The following RPS6KC1 variants were observed in gnomAD, a reference collection of about 807,000 sequenced individuals.
RPS6KC1 encodes ribosomal protein S6 kinase C1, also known as inactive ribosomal protein S6 kinase delta-1.
A neutral mutation model predicts 103.8 loss-of-function variants in RPS6KC1; 54 were observed. The ratio of observed to expected loss-of-function variants is 0.52; its 90% CI spans 0.42 to 0.65. RPS6KC1 has a LOEUF of 0.65. RPS6KC1 is among the 30% of genes least tolerant of loss of function. The pLI is 0.00. For missense variants in RPS6KC1, 1,151 were observed against 1,253.8 expected (o/e 0.92, Z 1.24); for synonymous variants, 439 against 438.7 (o/e 1.00, Z -0.01).
chr1:213,261,070 C>T (rs761579186), intron 12 of RPS6KC1, among the ~76,000 whole-genome samples: 2 of 152,160 alleles, frequency 1.3e-5, no homozygotes, highest in Non-Finnish European at 2.9e-5. Context: ...ACTAGGTCTT[C>T]GTTCTCCTAC....
At chr1:213,434,205 C>T in the RPS6KC1 span, among the ~76,000 whole-genome samples, 18 of 151,676 alleles carry the variant, frequency 1.2e-4, no homozygotes, top group South Asian at 3.3e-3. Flanking sequence ...TTTCCTTCTG[C>T]CTAAAGGACG....
At chr1:213,293,655 G>A in the RPS6KC1 span, among the ~76,000 whole-genome samples, 1 of 152,134 alleles carries the variant, frequency 6.6e-6, no homozygotes, top group Admixed American at 6.5e-5. Flanking sequence ...CTGGGTGACA[G>A]AACGAGATGC....
chr1:213,511,110 T>G, the RPS6KC1 span, among the ~76,000 whole-genome samples: 1 of 152,090 alleles, frequency 6.6e-6, no homozygotes, highest in South Asian at 2.1e-4. Context: ...AGCTTTGAGA[T>G]GATATAACTC....
At chr1:213,569,037 C>A in the RPS6KC1 span, among the ~76,000 whole-genome samples, 1 of 152,156 alleles carries the variant, frequency 6.6e-6, no homozygotes, top group Non-Finnish European at 1.5e-5. Context: ...TAACTCCCTT[C>A]CCCCCTCCCC....
At chr1:213,829,585 T>C in the RPS6KC1 span, among the ~76,000 whole-genome samples, 4 of 152,208 alleles carry the variant, frequency 2.6e-5, no homozygotes. Flanking sequence ...AGGTCAGAAA[T>C]TGGGGATTGA....
the RPS6KC1 span, among the ~76,000 whole-genome samples, chr1:213,443,380 C>T: frequency 6.6e-6 from 1 of 152,222 alleles, no homozygotes; most frequent in South Asian, 2.1e-4. Flanking sequence ...GTGATGTTCA[C>T]ATGCCCCTTT....
At chr1:213,185,573 A>G (rs974575189) in intron 8 of RPS6KC1, among the ~76,000 whole-genome samples, 2 of 152,136 alleles carry the variant, frequency 1.3e-5, no homozygotes, top group Non-Finnish European at 2.9e-5. Context: ...ACTTGAACCC[A>G]GGAGGCAGAG....
At chr1:213,652,407 G>A in the RPS6KC1 span, among the ~76,000 whole-genome samples, 1 of 152,204 alleles carries the variant, frequency 6.6e-6, no homozygotes, top group Non-Finnish European at 1.5e-5. Flanking sequence ...AGAGCAGGAT[G>A]TGAACCCAGG....
At chr1:213,147,254 C>T (rs2087983259) in intron 6 of RPS6KC1, among the ~76,000 whole-genome samples, 4 of 152,036 alleles carry the variant, frequency 2.6e-5, no homozygotes. Flanking sequence ...GGGTATAACT[C>T]AAAAAATCTT....
rs905087277 is a variant in RPS6KC1 at position 213,051,247 on chromosome 1, G to A, written c.-158G>A. ...GCCCGGAAGCTTCTCTGCTGACCCGGAAGCAGAGCTGTGCAGCTGAGGCGC... is the reference window on the plus strand; with the variant it reads ...GCCCGGAAGCTTCTCTGCTGACCCGAAAGCAGAGCTGTGCAGCTGAGGCGC... On this transcript the variant is annotated 5_prime_UTR_variant, in exon 1 of 15. Coordinates refer to ENST00000366960, the MANE Select transcript of RPS6KC1 (RefSeq NM_012424.6). The A allele has an allele frequency of 2.1e-5, 13 of 604,922 alleles. No homozygotes were observed. In the African/African-American group the frequency reaches 2.5e-4, roughly 11 times the overall value. The allele number at this position is 604,922 out of a possible 1,614,324, so 37.5% of individuals were successfully genotyped here. A position where few individuals can be genotyped will look rare whatever the true frequency, so the allele number is the denominator to read the frequency against.
At chr1:213,319,984 A>C in the RPS6KC1 span, among the ~76,000 whole-genome samples, 1 of 152,192 alleles carries the variant, frequency 6.6e-6, no homozygotes, top group African/African-American at 2.4e-5. Context: ...AATAGACAGA[A>C]ATATAGCCCC....
At chr1:213,716,354 G>T in the RPS6KC1 span, among the ~76,000 whole-genome samples, 19,560 of 152,108 alleles carry the variant, frequency 0.13, 1,418 homozygotes, top group African/African-American at 0.19. Flanking sequence ...CTTTTCTGAT[G>T]CCCCTAAAGA....
chr1:213,218,854 T>C (rs913906144), intron 8 of RPS6KC1, among the ~76,000 whole-genome samples: 20 of 152,190 alleles, frequency 1.3e-4, no homozygotes, highest in Non-Finnish European at 2.5e-4. Flanking sequence ...TCCTTACACC[T>C]TATAAAAAAA....
chr1:213,338,280 GC>G, the RPS6KC1 span, among the ~76,000 whole-genome samples: 1 of 152,236 alleles, frequency 6.6e-6, no homozygotes, highest in Non-Finnish European at 1.5e-5. Flanking sequence ...ACACCACGGG[GC>G]CTGGATTCTG....
the RPS6KC1 span, among the ~76,000 whole-genome samples, chr1:213,657,008 G>T: frequency 1.3e-5 from 2 of 152,200 alleles, no homozygotes; most frequent in Non-Finnish European, 2.9e-5. Flanking sequence ...CATCAGAGGG[G>T]CCAGGTGAAA....
At chr1:213,687,016 G>A in the RPS6KC1 span, among the ~76,000 whole-genome samples, 2 of 150,902 alleles carry the variant, frequency 1.3e-5, no homozygotes, top group South Asian at 2.1e-4. Context: ...GCATGCTAAT[G>A]TATTATCATT....
chr1:213,385,327 C>T, the RPS6KC1 span, among the ~76,000 whole-genome samples: 1 of 152,152 alleles, frequency 6.6e-6, no homozygotes, highest in Non-Finnish European at 1.5e-5. Context: ...TTATTATTCC[C>T]ATTCTACAGG....
At chr1:213,213,773 T>C (rs908561077) in intron 8 of RPS6KC1, among the ~76,000 whole-genome samples, 2 of 152,238 alleles carry the variant, frequency 1.3e-5, no homozygotes, top group African/African-American at 4.8e-5. Context: ...ATTTTCTTTT[T>C]CTAATATTAT....
the RPS6KC1 span, among the ~76,000 whole-genome samples, chr1:213,749,669 C>T: frequency 6.6e-6 from 1 of 152,098 alleles, no homozygotes; most frequent in Non-Finnish European, 1.5e-5. Context: ...TCCCCCACCT[C>T]CCAACTCCCG....
Sources: gnomAD v4.1 joint callset for allele counts (sites outside exome capture counted in the v4.1 genomes callset) on GRCh38, gnomAD v4.1.1 for gene constraint, MANE v1.5 for transcripts, NCBI Gene and HGNC (gene_info 2026-07-23, HGNC 2026-07-21) for gene names.